Variants in SSX5 observed in about 807,000 individuals in gnomAD.
SSX5 encodes the protein protein SSX5.
SSX5 carries 14 observed loss-of-function variants against 14.9 expected under a neutral mutation model. The ratio of observed to expected loss-of-function variants is 0.94; its 90% CI spans 0.62 to 1.47. The LOEUF (loss-of-function observed/expected upper bound fraction) is 1.47. SSX5 is among the 40% of genes most tolerant of loss of function. SSX5 has a pLI of 0.00. For synonymous variants in SSX5, 70 were observed against 55.4 expected, an observed-to-expected ratio of 1.26 and a Z score of -1.17; for missense variants, 204 against 154.6, an observed-to-expected ratio of 1.32 and a Z score of -1.70.
intron 6 of SSX5, among the ~76,000 whole-genome samples, chrX:48,188,417 T>C (rs1233543718): frequency 3.6e-5 from 4 of 112,268 alleles, no homozygotes; most frequent in African/African-American, 1.3e-4. Flanking sequence ...TTAGTTTTCA[T>C]ACTGCACAAT....
Position 48,186,601 on chromosome X carries a change from T to A in SSX5, c.*260A>T. 2.0e-6 allele frequency: 1 copy of A among 496,604 alleles called. No individual in the cohort carries two copies. The highest frequency in any genetic ancestry group is 5.8e-4 in the Middle Eastern group (1 of 1,730). 40.9% of individuals were successfully genotyped at this position (496,604 alleles called of 1,213,427 possible). On this transcript the variant is annotated 3_prime_UTR_variant, in exon 8 of 8. Transcript: ENST00000347757. ...AGGTGCATGGATACACAAACTGAAA[T>A]ATGCATTAAGTATGTCTTGCTCATC...
At position 48,190,055 on chromosome X, in the gene SSX5, C is replaced by T. The variant is rs1343107123; in HGVS notation, c.466+78G>A. On this transcript the variant is annotated intron_variant, in intron 6 of 7. Transcript: ENST00000347757. ...CCTGGACCCAGGCTTGTCTGGGGTC[C>T]ATGCCACACACCCAGTCCACACACC... 6 of 1,160,151 alleles carry T rather than the reference C, an allele frequency of 5.2e-6. No homozygotes were observed. The African/African-American group carries it at 9.0e-5, about 17-fold the overall frequency.
intron 4 of SSX5, among the ~76,000 whole-genome samples, chrX:48,193,519 G>C (rs782583169): frequency 9.0e-6 from 1 of 110,810 alleles, no homozygotes; most frequent in Non-Finnish European, 1.9e-5. Flanking sequence ...AGGCTGCGGC[G>C]GGTGGATCAC....
At chrX:48,194,505 A>G (rs2059432675) in intron 3 of SSX5, among the ~76,000 whole-genome samples, 1 of 110,610 alleles carries the variant, frequency 9.0e-6, no homozygotes, top group South Asian at 4.0e-4. Context: ...GCTCATCAGA[A>G]CAGACTCCTA....
intron 3 of SSX5, among the ~76,000 whole-genome samples, 162 bp downstream of exon 3, chrX:48,194,578 C>T (rs1476265933): frequency 9.0e-6 from 1 of 111,030 alleles, no homozygotes; most frequent in Non-Finnish European, 1.9e-5. Flanking sequence ...GCCCTCAGCC[C>T]TGACAAGATA....
rs781798662 is a variant in SSX5, at chrX:48,189,961, A to G, written c.466+172T>C. Among the ~76,000 whole-genome samples, 4 of 111,061 alleles carry G rather than the reference A, an allele frequency of 3.6e-5. No individual in the cohort carries two copies. In the South Asian group the frequency reaches 1.5e-3, roughly 42 times the overall value. On this transcript the variant is annotated intron_variant, in intron 6 of 7. Transcript: ENST00000347757. ...ACGTGGTTTTTTTATATGAATGACA[A>G]CTCCAGTCTGTGTCTCTGGAAGTCA...
chrX:48,188,433 T>C (rs1394424073), intron 6 of SSX5, among the ~76,000 whole-genome samples: 1 of 112,355 alleles, frequency 8.9e-6, no homozygotes, highest in Admixed American at 9.5e-5. Context: ...ACAATTAAGT[T>C]ATTATTGACT....
At chrX:48,195,509 G>T in intron 1 of SSX5, 131 bp from the exon 2 acceptor site, 1 of 645,141 alleles carries the variant, frequency 1.6e-6, no homozygotes, top group Non-Finnish European at 2.4e-6. Flanking sequence ...TGGCTTATCT[G>T]TCCCTGAGTA....
intron 5 of SSX5, among the ~76,000 whole-genome samples, chrX:48,191,061 C>T (rs2059418020): frequency 2.7e-5 from 3 of 110,069 alleles, no homozygotes; most frequent in South Asian, 4.0e-4. Flanking sequence ...GGCACTACCA[C>T]GCCCCGCTAA....
chrX:48,194,358 G>A (rs1389844344), intron 3 of SSX5, 134 bp from the exon 4 acceptor site: 6 of 668,979 alleles, frequency 9.0e-6, no homozygotes, highest in Admixed American at 7.6e-5. Context: ...AGGCTGCAGT[G>A]AGCTATGATT....
At chrX:48,191,990 A>T (rs2059421735) in intron 5 of SSX5, among the ~76,000 whole-genome samples, 1 of 112,425 alleles carries the variant, frequency 8.9e-6, no homozygotes, top group African/African-American at 3.2e-5. Flanking sequence ...CTTCTTAAGG[A>T]TTAAATAAAT....
At chrX:48,193,619 G>T (rs1416604643) in intron 4 of SSX5, among the ~76,000 whole-genome samples, 12 of 110,571 alleles carry the variant, frequency 1.1e-4, no homozygotes, top group Admixed American at 1.9e-4. Flanking sequence ...CGTTTGGGTG[G>T]GCGCCTGTAA....
intron 5 of SSX5, 45 bp downstream of exon 5, chrX:48,192,186 GA>G: frequency 8.3e-7 from 1 of 1,208,724 alleles, no homozygotes; most frequent in Non-Finnish European, 1.1e-6. Flanking sequence ...TCACATTCGT[GA>G]AGGGACAAAG....
chrX:48,190,701 T>TGG (rs1556924607), intron 5 of SSX5, among the ~76,000 whole-genome samples: 2 of 110,993 alleles, frequency 1.8e-5, no homozygotes, highest in African/African-American at 3.3e-5. Flanking sequence ...AAAACACTGC[T>TGG]GAACAAGATG....
chrX:48,196,179 C>A (rs1444511096), intron 1 of SSX5, among the ~76,000 whole-genome samples: 2 of 111,099 alleles, frequency 1.8e-5, no homozygotes, highest in Non-Finnish European at 3.8e-5. Context: ...CATCCCAGCA[C>A]TTTGGGAGGC....
At chrX:48,190,533 C>T (rs1349568133) in intron 5 of SSX5, among the ~76,000 whole-genome samples, 5 of 111,672 alleles carry the variant, frequency 4.5e-5, no homozygotes, top group Non-Finnish European at 9.4e-5. Context: ...CAAATATCTC[C>T]ATGTAATTGA....
rs147678026 is a variant in SSX5 at position 48,195,347 on chromosome X, G to A, written c.12C>T (p.Asp4=). 7 of 1,209,815 alleles carry A rather than the reference G, an allele frequency of 5.8e-6. No individual in the cohort carries two copies. Among genetic ancestry groups the A allele is most frequent in the East Asian group, 3.0e-5 (1 of 33,767 alleles). MNG[D]DAFVRRPRVG... is the part of the protein sequence containing the mutation. Reference sequence around the variant, plus strand: ...CCCTAGGTCTCCGTACAAAGGCATCGTCTCCGTTCATGGCACCGGGAGCAC... The same window carrying A: ...CCCTAGGTCTCCGTACAAAGGCATCATCTCCGTTCATGGCACCGGGAGCAC... Residue 4 remains aspartate (D), a synonymous_variant, in exon 2 of 8, where the codon GAC becomes GAT. Coordinates refer to ENST00000347757, the MANE Select transcript of SSX5 (RefSeq NM_175723.2).
rs1353455851 is a variant in SSX5 at position 48,186,752 on chromosome X, T to A, written c.*109A>T. ...TTTTCACTGTTGTGAACACTTGCTT[T>A]CACTTGCTATACACCTGATGACGAG... is the stretch of plus-strand genomic sequence containing the variant. On this transcript the variant is annotated 3_prime_UTR_variant, in exon 8 of 8. Coordinates refer to ENST00000347757, the MANE Select transcript of SSX5 (RefSeq NM_175723.2). 2 of 1,182,284 alleles carry A rather than the reference T, an allele frequency of 1.7e-6. No homozygotes were observed. Among genetic ancestry groups the A allele is most frequent in the African/African-American group, 3.5e-5 (2 of 56,860 alleles).
chrX:48,187,177 C>T (rs2059401372), intron 7 of SSX5, among the ~76,000 whole-genome samples: 1 of 111,869 alleles, frequency 8.9e-6, no homozygotes, highest in African/African-American at 3.2e-5. Flanking sequence ...CATGGTTAGG[C>T]AGGCGCAGAG....
Sources: gnomAD v4.1 joint callset for allele counts (sites outside exome capture counted in the v4.1 genomes callset) on GRCh38, gnomAD v4.1.1 for gene constraint, MANE v1.5 for transcripts, NCBI Gene and HGNC (gene_info 2026-07-23, HGNC 2026-07-21) for gene names.